Variants in KCNB2 observed in about 807,000 individuals in gnomAD.
KCNB2 encodes delayed rectifier potassium channel protein.
A neutral mutation model predicts 61.5 loss-of-function variants in KCNB2; 15 were observed. The ratio of observed to expected loss-of-function variants is 0.24; its 90% CI spans 0.16 to 0.38. KCNB2 has a LOEUF of 0.38. Ranked by LOEUF, KCNB2 falls within the 10% of genes least tolerant of loss-of-function variation. The pLI is 1.00. For missense variants in KCNB2, 828 were observed against 1,125.2 expected (o/e 0.74, Z 3.78); for synonymous variants, 457 against 446.0 (o/e 1.02, Z -0.31).
chr8:72,900,818 G>A lies in KCNB2; in HGVS notation c.580-35117G>A, dbSNP rs574608566. 6.6e-5 allele frequency among the ~76,000 whole-genome samples: 10 copies of A among 152,144 alleles called. No individual in the cohort carries two copies. The South Asian group carries it at 2.1e-3, about 32-fold the overall frequency. On this transcript the variant is annotated intron_variant, in intron 2 of 2. Coordinates refer to ENST00000523207, the MANE Select transcript of KCNB2 (RefSeq NM_004770.3). ...ATACCGTCTCACACCAGTCAGAGTGGATATTATTAAAAAGTCAAATATTAA... is the reference window on the plus strand; with the variant it reads ...ATACCGTCTCACACCAGTCAGAGTGAATATTATTAAAAAGTCAAATATTAA...
chr8:72,714,375 G>A (rs947004063), intron 2 of KCNB2, among the ~76,000 whole-genome samples: 3 of 152,134 alleles, frequency 2.0e-5, no homozygotes, highest in Non-Finnish European at 4.4e-5. Context: ...CACCAAAGTT[G>A]AAATGAAGGA....
At chr8:72,719,472 G>T (rs1210225958) in intron 2 of KCNB2, among the ~76,000 whole-genome samples, 3 of 151,884 alleles carry the variant, frequency 2.0e-5, no homozygotes, top group Non-Finnish European at 4.4e-5. Context: ...ATATCCTGTT[G>T]TGTTTATTGC....
At chr8:72,612,809 G>C (rs962971478) in intron 2 of KCNB2, among the ~76,000 whole-genome samples, 1 of 152,100 alleles carries the variant, frequency 6.6e-6, no homozygotes, top group Non-Finnish European at 1.5e-5. Context: ...GTTTGAGCTT[G>C]CTAAGAATTA....
intron 2 of KCNB2, among the ~76,000 whole-genome samples, chr8:72,630,951 C>A (rs962533594): frequency 6.6e-6 from 1 of 152,096 alleles, no homozygotes; most frequent in Non-Finnish European, 1.5e-5. Flanking sequence ...ACGTTCCAAG[C>A]CCCCCATGGA....
chr8:72,665,449 C>A (rs1333827993), intron 2 of KCNB2, among the ~76,000 whole-genome samples: 1 of 151,816 alleles, frequency 6.6e-6, no homozygotes, highest in African/African-American at 2.4e-5. Context: ...CCCTCCTATC[C>A]CCATTTAAAA....
intron 2 of KCNB2, among the ~76,000 whole-genome samples, chr8:72,663,051 C>T (rs1357791266): frequency 6.6e-6 from 1 of 152,072 alleles, no homozygotes; most frequent in East Asian, 1.9e-4. Flanking sequence ...TTATACTAAC[C>T]AACATTTATG....
intron 2 of KCNB2, among the ~76,000 whole-genome samples, chr8:72,705,786 A>T (rs1292712444): frequency 6.6e-6 from 1 of 152,218 alleles, no homozygotes; most frequent in East Asian, 1.9e-4. Flanking sequence ...ATGAGAATGA[A>T]GTGATTGTTA....
intron 2 of KCNB2, among the ~76,000 whole-genome samples, chr8:72,642,639 A>G (rs1376574874): frequency 1.3e-5 from 2 of 152,150 alleles, no homozygotes; most frequent in African/African-American, 4.8e-5. Context: ...CCGAAAGCCC[A>G]CCTACACAAC....
Position 72,746,197 on chromosome 8 carries a change from A to G in KCNB2, c.579+177884A>G, listed in dbSNP as rs558536071. ...GGCATTAAGCACCCCTTTCCCAAGC[A>G]GTATTTCTGTGTGCTTCTTTCCTAG... On this transcript the variant is annotated intron_variant, in intron 2 of 2. Transcript: ENST00000523207. 4.6e-5 allele frequency among the ~76,000 whole-genome samples: 7 copies of G among 152,256 alleles called. 1 individual carries two copies. Among genetic ancestry groups the G allele is most frequent in the Admixed American group, 3.9e-4 (6 of 15,288 alleles).
intron 2 of KCNB2, among the ~76,000 whole-genome samples, chr8:72,812,319 C>T (rs1809321073): frequency 6.6e-6 from 1 of 151,574 alleles, no homozygotes. Context: ...TTTGGGTATT[C>T]TTTCTTATCT....
intron 2 of KCNB2, among the ~76,000 whole-genome samples, chr8:72,726,266 G>T (rs1362809445): frequency 1.3e-5 from 2 of 152,164 alleles, no homozygotes; most frequent in Non-Finnish European, 2.9e-5. Flanking sequence ...AAATCAGGAA[G>T]AGACCCCTCA....
At chr8:72,639,863 T>A (rs979917649) in intron 2 of KCNB2, among the ~76,000 whole-genome samples, 6 of 152,044 alleles carry the variant, frequency 3.9e-5, no homozygotes, top group African/African-American at 9.7e-5. Context: ...GGAATTTTCC[T>A]GTAGCAGACG....
chr8:72,634,327 T>G (rs1805932057), intron 2 of KCNB2, among the ~76,000 whole-genome samples: 2 of 152,180 alleles, frequency 1.3e-5, no homozygotes, highest in Admixed American at 1.3e-4. Context: ...TAGGATTTCT[T>G]AAACACTAAC....
chr8:72,852,980 C>T (rs1281479876), intron 2 of KCNB2, among the ~76,000 whole-genome samples: 1 of 152,114 alleles, frequency 6.6e-6, no homozygotes, highest in African/African-American at 2.4e-5. Flanking sequence ...TGGCAATAGC[C>T]TCTTTTTCTG....
At chr8:72,874,773 C>T (rs1805676577) in intron 2 of KCNB2, 1 of 152,286 alleles carries the variant, frequency 6.6e-6, no homozygotes, top group African/African-American at 2.4e-5. Flanking sequence ...GTGACACCAT[C>T]TGTGTGCCAG....
chr8:72,751,098 A>G (rs1808180548), intron 2 of KCNB2: 1 of 152,082 alleles, frequency 6.6e-6, no homozygotes, highest in South Asian at 2.1e-4. Flanking sequence ...GCAAGAAGCT[A>G]AGGAGGAAAG....
At chr8:72,703,487 A>G (rs1807167998) in intron 2 of KCNB2, among the ~76,000 whole-genome samples, 1 of 152,180 alleles carries the variant, frequency 6.6e-6, no homozygotes, top group Admixed American at 6.5e-5. Context: ...GGCAAGGGGC[A>G]CTGGGCCTGT....
chr8:72,883,740 T>G (rs1749371732), intron 2 of KCNB2, among the ~76,000 whole-genome samples: 1 of 152,246 alleles, frequency 6.6e-6, no homozygotes, highest in African/African-American at 2.4e-5. Flanking sequence ...AATATACTTT[T>G]TAGATTTAAC....
At chr8:72,839,101 C>T (rs1174349650) in intron 2 of KCNB2, among the ~76,000 whole-genome samples, 1 of 152,066 alleles carries the variant, frequency 6.6e-6, no homozygotes, top group Non-Finnish European at 1.5e-5. Flanking sequence ...TATCCAAATA[C>T]AATTATTTTC....
Sources: gnomAD v4.1 joint callset for allele counts (sites outside exome capture counted in the v4.1 genomes callset) on GRCh38, gnomAD v4.1.1 for gene constraint, MANE v1.5 for transcripts, NCBI Gene and HGNC (gene_info 2026-07-23, HGNC 2026-07-21) for gene names.